The following PCNX4 variants were observed in gnomAD, a reference collection of about 807,000 sequenced individuals.
The protein encoded by PCNX4 is pecanex-like protein 4.
A neutral mutation model predicts 107.2 loss-of-function variants in PCNX4; 103 were observed. The observed-to-expected ratio is 0.96, with a 90% CI of 0.82 to 1.13. The LOEUF (loss-of-function observed/expected upper bound fraction) is 1.13, where lower values mean the gene tolerates loss of function less well. Ranked by LOEUF, PCNX4 falls within the 50% of genes most tolerant of loss-of-function variation. The pLI is 0.00. For synonymous variants in PCNX4, 541 were observed against 481.7 expected (o/e 1.12, Z -1.61); for missense variants, 1,528 against 1,379.4 (o/e 1.11, Z -1.71).
Position 60,146,711 on chromosome 14 carries a change from ATTCCACAATGGAATATTT to A in PCNX4, c.*12494_*12511del. ...TGTGTATATATATATATGGAATATT[ATTCCACAATGGAATATTT>A]TTCAGCCATAAAACAATGGAACTCC... On this transcript the variant is annotated 3_prime_UTR_variant, in exon 11 of 11. Transcript: ENST00000406854. The surrounding 1 kb of genome is among the most constrained non-coding windows in gnomAD (Gnocchi z 4.9). 2 of 152,062 alleles carry A rather than the reference ATTCCACAATGGAATATTT, an allele frequency of 1.3e-5. No individual in the cohort carries two copies. The allele number at this position is 152,062 out of a possible 1,614,324, so 9.4% of individuals were successfully genotyped here.
Position 60,144,742 on chromosome 14 carries a change from G to T in PCNX4, c.*10521G>T. ...CATATGTGCTAAAGTATTTTAAAAG[G>T]TTATTTTATCCAAGAATATAGTATG... On this transcript the variant is annotated 3_prime_UTR_variant, in exon 11 of 11. Coordinates refer to ENST00000406854, the MANE Select transcript of PCNX4 (RefSeq NM_001330177.2). The T allele has an allele frequency of 2.1e-6, 1 of 481,796 alleles. No homozygotes were observed. 29.8% of individuals were successfully genotyped at this position (481,796 alleles called of 1,614,324 possible). A position where few individuals can be genotyped will look rare whatever the true frequency, so the allele number is the denominator to read the frequency against.
intron 6 of PCNX4, 145 bp from the exon 7 acceptor site, chr14:60,118,180 AAATT>A (rs1478113790): frequency 2.4e-6 from 3 of 1,242,970 alleles, no homozygotes; most frequent in Non-Finnish European, 3.1e-6. Flanking sequence ...AGGTTGGAGA[AAATT>A]AACAAAAAAA....
rs758424054 is a variant in PCNX4, at chr14:60,092,389, T to C, written c.-84T>C. 6.6e-6 allele frequency: 1 copy of C among 152,312 alleles called. No individual in the cohort carries two copies. Among genetic ancestry groups the C allele is most frequent in the Non-Finnish European group, 1.5e-5 (1 of 68,076 alleles). 9.4% of individuals were successfully genotyped at this position (152,312 alleles called of 1,614,324 possible). A position where few individuals can be genotyped will look rare whatever the true frequency, so the allele number is the denominator to read the frequency against. On this transcript the variant is annotated 5_prime_UTR_variant, in exon 1 of 11. Coordinates refer to ENST00000406854, the MANE Select transcript of PCNX4 (RefSeq NM_001330177.2). Reference sequence around the variant, plus strand: ...CAAAAATGCGGTCCCTGGGATGCCTTCGCGTCTTCTCTTCCCTCGGGTGAC... The same window carrying C: ...CAAAAATGCGGTCCCTGGGATGCCTCCGCGTCTTCTCTTCCCTCGGGTGAC...
At chr14:60,102,555 C>G (rs1415688266) in intron 1 of PCNX4, among the ~76,000 whole-genome samples, 3 of 152,114 alleles carry the variant, frequency 2.0e-5, no homozygotes, top group African/African-American at 7.2e-5. Flanking sequence ...AAATATGACT[C>G]CCAAATAAAG....
chr14:60,143,333 CTT>C lies in PCNX4; in HGVS notation c.*9115_*9116del, dbSNP rs1418092225. On this transcript the variant is annotated 3_prime_UTR_variant, in exon 11 of 11. Transcript: ENST00000406854. ...TGTGGCATTCTAGAATTATTCCAATCTTTTCATTCTTATAATTGGTGTGTTGT... is the reference window on the plus strand; with the variant it reads ...TGTGGCATTCTAGAATTATTCCAATCTTCATTCTTATAATTGGTGTGTTGT... 1 of 152,162 alleles carries C rather than the reference CTT, an allele frequency of 6.6e-6. No individual in the cohort carries two copies. The allele number at this position is 152,162 out of a possible 1,614,324, so 9.4% of individuals were successfully genotyped here.
intron 2 of PCNX4, among the ~76,000 whole-genome samples, chr14:60,112,249 C>G (rs976161033): frequency 2.2e-4 from 34 of 152,204 alleles, no homozygotes; most frequent in African/African-American, 8.2e-4. Flanking sequence ...ATCATCTTAG[C>G]CACTGTAGAA....
At chr14:60,112,689 G>A (rs886942103) in intron 2 of PCNX4, among the ~76,000 whole-genome samples, 1 of 152,064 alleles carries the variant, frequency 6.6e-6, no homozygotes, top group Non-Finnish European at 1.5e-5. Context: ...GAGGAGTGTT[G>A]TCTTGGGGGA....
chr14:60,098,930 C>A (rs1895478858), intron 1 of PCNX4, among the ~76,000 whole-genome samples: 1 of 150,980 alleles, frequency 6.6e-6, no homozygotes, highest in African/African-American at 2.4e-5. Flanking sequence ...AACAGCGAAA[C>A]TCCGTCTCAA....
At position 60,118,491 on chromosome 14, in the gene PCNX4, G is replaced by GT. The variant is rs1273421914; in HGVS notation, c.1747dup (p.Ser583PhefsTer98). The GT allele has an allele frequency of 6.2e-7, 1 of 1,613,568 alleles. No homozygotes were observed. The highest frequency in any genetic ancestry group is 8.5e-7 in the Non-Finnish European group (1 of 1,179,768). On this transcript the variant is annotated frameshift_variant, in exon 7 of 11. Transcript: ENST00000406854. LOFTEE classifies it high-confidence loss of function. ...TTCTCCATTCGTGTTGGTCATCATA[G>GT]TTTTTTCTACACTACTCTCTTCTCC...
chr14:60,121,084 G>A, intron 7 of PCNX4, 112 bp from the exon 8 acceptor site: 1 of 1,300,320 alleles, frequency 7.7e-7, no homozygotes, highest in South Asian at 1.6e-5. Flanking sequence ...GAGGGTAGGA[G>A]TCGTGAATCA....
chr14:60,125,371 T>A, intron 9 of PCNX4, 120 bp downstream of exon 9: 2 of 1,100,314 alleles, frequency 1.8e-6, no homozygotes, highest in African/African-American at 1.6e-5. Flanking sequence ...TTCTTCAAAA[T>A]GAAAAAAATG....
intron 10 of PCNX4, among the ~76,000 whole-genome samples, chr14:60,128,908 A>G (rs1555331262): frequency 6.6e-6 from 1 of 151,472 alleles, no homozygotes; most frequent in Admixed American, 6.6e-5. Flanking sequence ...GAGAAATAGC[A>G]TTTTTTTTTA....
At chr14:60,116,483 A>T (rs945341756) in intron 6 of PCNX4, among the ~76,000 whole-genome samples, 1 of 152,196 alleles carries the variant, frequency 6.6e-6, no homozygotes, top group Non-Finnish European at 1.5e-5. Context: ...TATTATGGAG[A>T]TGAAAAATTC....
rs1207881321 is a variant in PCNX4, at chr14:60,141,465, A to G, written c.*7244A>G. ...GAGTATCACTATAAATCAGGCAGTC[A>G]TTAAAAAGATAATGAGGAAATACTG... is the stretch of plus-strand genomic sequence containing the variant. On this transcript the variant is annotated 3_prime_UTR_variant, in exon 11 of 11. Coordinates refer to ENST00000406854, the MANE Select transcript of PCNX4 (RefSeq NM_001330177.2). The G allele has an allele frequency of 6.6e-6, 1 of 152,252 alleles. No individual in the cohort carries two copies. Among genetic ancestry groups the G allele is most frequent in the Non-Finnish European group, 1.5e-5 (1 of 68,040 alleles). 9.4% of individuals were successfully genotyped at this position (152,252 alleles called of 1,614,324 possible).
At position 60,135,820 on chromosome 14, in the gene PCNX4, G is replaced by C. The variant is rs902714556; in HGVS notation, c.*1599G>C. ...CCGCCTCAGCCTCCCAAAGTGCTGG[G>C]ATTACAGGCGTGAGCCACCGTGCCC... is the stretch of plus-strand genomic sequence containing the variant. On this transcript the variant is annotated 3_prime_UTR_variant, in exon 11 of 11. Coordinates refer to ENST00000406854, the MANE Select transcript of PCNX4 (RefSeq NM_001330177.2). 1 of 152,224 alleles carries C rather than the reference G, an allele frequency of 6.6e-6. No individual in the cohort carries two copies. The highest frequency in any genetic ancestry group is 2.4e-5 in the African/African-American group (1 of 41,442). 9.4% of individuals were successfully genotyped at this position (152,224 alleles called of 1,614,324 possible).
intron 1 of PCNX4, among the ~76,000 whole-genome samples, chr14:60,095,117 T>C (rs1255923099): frequency 6.6e-6 from 1 of 152,170 alleles, no homozygotes; most frequent in African/African-American, 2.4e-5. Context: ...GTCTATGTCT[T>C]TCTTCGAAGA....
At chr14:60,124,176 A>G (rs1441291861) in intron 8 of PCNX4, 42 bp from the exon 9 acceptor site, 5 of 1,431,164 alleles carry the variant, frequency 3.5e-6, no homozygotes, top group Non-Finnish European at 4.6e-6. Context: ...ATATTATGTA[A>G]TAAATGATTA....
In PCNX4 at chr14:60,134,090, A is replaced by G. The variant is rs760997405; in HGVS notation, c.3388A>G (p.Asn1130Asp). The stretch of plus-strand genomic sequence containing the variant: ...TTCATGGGAATTACTTTATGCCACA[A>G]ACGATGATGAAGAACGTTATAGTAT... ...NLSWELLYAT[N>D]DDEERYSIQA... The change falls in exon 11 of 11, where the codon AAC (asparagine) becomes GAC (aspartate). Residue 1130 changes from asparagine (N) to aspartate (D), a missense_variant. Coordinates refer to ENST00000406854, the MANE Select transcript of PCNX4 (RefSeq NM_001330177.2). 116 of 1,613,806 alleles carry G rather than the reference A, an allele frequency of 7.2e-5. No homozygotes were observed. The highest frequency in any genetic ancestry group is 9.4e-5 in the Non-Finnish European group (111 of 1,179,840).
rs1194602948 is a variant in PCNX4, at chr14:60,124,374, T to C, written c.2203T>C (p.Leu735=). 2.5e-6 allele frequency: 4 copies of C among 1,613,374 alleles called. No homozygotes were observed. Among genetic ancestry groups the C allele is most frequent in the Non-Finnish European group, 3.4e-6 (4 of 1,179,666 alleles). ...ACCCTGTACTGTTTTGCCTGTGAAA[T>C]TGTATTCTGATGCCAGGAATGTTCT... ...LTPCTVLPVK[L]YSDARNVLSG... The change falls in exon 9 of 11, where the codon TTG becomes CTG. Residue 735 remains leucine (L), a synonymous_variant. Transcript: ENST00000406854.
Sources: allele counts gnomAD v4.1 joint callset (sites outside exome capture counted in the v4.1 genomes callset), GRCh38; gene constraint gnomAD v4.1.1; non-coding constraint Gnocchi (gnomAD v3.1); transcripts MANE v1.5; gene names NCBI Gene and HGNC (gene_info 2026-07-23, HGNC 2026-07-21).